The following CCDC91 variants were observed in gnomAD, a reference collection of about 807,000 sequenced individuals.
The protein encoded by CCDC91 is coiled-coil domain-containing protein 91.
In CCDC91, 48 loss-of-function variants were observed where a neutral mutation model predicts 63.2. The ratio of observed to expected loss-of-function variants is 0.76; its 90% CI spans 0.60 to 0.97. The LOEUF (loss-of-function observed/expected upper bound fraction) is 0.97. Ranked by LOEUF, CCDC91 falls within the 50% of genes least tolerant of loss-of-function variation. The pLI is 0.00. For synonymous variants in CCDC91, 167 were observed against 165.8 expected, an observed-to-expected ratio of 1.01 and a Z score of -0.06; for missense variants, 500 against 494.6, an observed-to-expected ratio of 1.01 and a Z score of -0.10.
intron 1 of CCDC91, among the ~76,000 whole-genome samples, chr12:28,191,613 C>G (rs1390569234): frequency 7.0e-6 from 1 of 142,918 alleles, no homozygotes; most frequent in Non-Finnish European, 1.6e-5. Context: ...TTTTACTTCA[C>G]AATTTAAGGC....
At chr12:28,325,008 G>C (rs1292872553) in intron 6 of CCDC91, among the ~76,000 whole-genome samples, 1 of 151,812 alleles carries the variant, frequency 6.6e-6, no homozygotes. Flanking sequence ...CTCAAGCAGA[G>C]GCAGAATGTG....
chr12:28,392,013 G>C lies in CCDC91; in HGVS notation c.762+602G>C, dbSNP rs563385794. 2.6e-5 allele frequency among the ~76,000 whole-genome samples: 4 copies of C among 152,136 alleles called. No individual in the cohort carries two copies. The South Asian group carries it at 8.3e-4, about 32-fold the overall frequency. On this transcript the variant is annotated intron_variant, in intron 8 of 12. Coordinates refer to ENST00000536442, the MANE Select transcript of CCDC91 (RefSeq NM_018318.5). ...TAAATTGACTTCATATAGAGCATCTGTGTTATATCATTGGAAGAAAATTTA... is the reference window on the plus strand; with the variant it reads ...TAAATTGACTTCATATAGAGCATCTCTGTTATATCATTGGAAGAAAATTTA...
intron 6 of CCDC91, among the ~76,000 whole-genome samples, chr12:28,333,441 C>T (rs1395467976): frequency 2.0e-5 from 3 of 150,818 alleles, no homozygotes; most frequent in African/African-American, 7.3e-5. Context: ...ATTTTTTTTC[C>T]CACTTTGTGC....
intron 7 of CCDC91, among the ~76,000 whole-genome samples, chr12:28,385,891 C>G (rs1307607198): frequency 6.6e-6 from 1 of 152,102 alleles, no homozygotes; most frequent in Non-Finnish European, 1.5e-5. Context: ...GCAATCAGTT[C>G]CACTAAAGAA....
intron 5 of CCDC91, 62 bp from the exon 6 acceptor site, chr12:28,307,583 A>G (rs983776315): frequency 1.1e-5 from 10 of 885,968 alleles, no homozygotes; most frequent in African/African-American, 3.5e-5. Context: ...GTTCATTGAA[A>G]AAACTAATTA....
intron 8 of CCDC91, among the ~76,000 whole-genome samples, chr12:28,443,157 A>G (rs903661192): frequency 7.4e-6 from 1 of 135,972 alleles, no homozygotes; most frequent in Non-Finnish European, 1.6e-5. Context: ...GTCTAGTTTA[A>G]TGAATTATCT....
At chr12:28,199,583 T>C (rs1942052089) in intron 1 of CCDC91, among the ~76,000 whole-genome samples, 5 of 152,226 alleles carry the variant, frequency 3.3e-5, no homozygotes, top group Admixed American at 1.3e-4. Flanking sequence ...TCTCTTGTCC[T>C]TTCAGTTCAG....
intron 8 of CCDC91, among the ~76,000 whole-genome samples, chr12:28,449,540 A>T (rs924080101): frequency 6.6e-6 from 1 of 152,010 alleles, no homozygotes; most frequent in African/African-American, 2.4e-5. Context: ...TAACTGGTTG[A>T]TAGTTATGTG....
chr12:28,458,159 A>G (rs10506035), intron 11 of CCDC91, among the ~76,000 whole-genome samples: 31,731 of 151,732 alleles, frequency 0.21, 4,344 homozygotes, highest in Non-Finnish European at 0.31. Context: ...CAACCCTGAA[A>G]TTTTTCTGTG....
At position 28,306,786 on chromosome 12, in the gene CCDC91, A is replaced by G. The variant is rs147550538; in HGVS notation, c.312A>G (p.Pro104=). ...THTHLDISLF[P]LGLTDEKSNG... ...CTCATCTGGATATCTCACTTTTTCC[A>G]TTGGGTTTAACTGATGAAAAAAGTA... is the stretch of plus-strand genomic sequence containing the variant. Residue 104 remains proline, a synonymous_variant, in exon 5 of 13, where the codon CCA becomes CCG. Transcript: ENST00000536442. 640 of 1,611,202 alleles carry G rather than the reference A, an allele frequency of 4.0e-4. 1 individual carries two copies. The highest frequency in any genetic ancestry group is 3.6e-3 in the Middle Eastern group (22 of 6,034).
At chr12:28,452,691 T>G (rs1281164453) in intron 11 of CCDC91, 37 bp downstream of exon 11, 1 of 1,146,310 alleles carries the variant, frequency 8.7e-7, no homozygotes, top group African/African-American at 1.6e-5. Flanking sequence ...ATTTACTTTT[T>G]TCTCATTTTT....
chr12:28,200,578 A>T (rs1265073044), intron 1 of CCDC91, among the ~76,000 whole-genome samples: 1 of 149,100 alleles, frequency 6.7e-6, no homozygotes, highest in Non-Finnish European at 1.5e-5. Context: ...ACAGCACATG[A>T]TTCAGAGAGC....
In CCDC91 at chr12:28,273,120, G is replaced by A. The variant is rs560159102; in HGVS notation, c.109+13678G>A. Among the ~76,000 whole-genome samples, 12 of 151,712 alleles carry A rather than the reference G, an allele frequency of 7.9e-5. No individual in the cohort carries two copies. In the South Asian group the frequency reaches 2.5e-3, roughly 32 times the overall value. ...TTTCTTGTCCTTCTGATAGTTTGCT[G>A]AGAATGATGGTTTCCAGCTTCATCC... is the stretch of plus-strand genomic sequence containing the variant. On this transcript the variant is annotated intron_variant, in intron 3 of 12. Transcript: ENST00000536442.
intron 12 of CCDC91, among the ~76,000 whole-genome samples, chr12:28,543,977 A>G (rs192122801): frequency 3.3e-5 from 5 of 152,036 alleles, no homozygotes; most frequent in Non-Finnish European, 5.9e-5. Context: ...GGTCAAATTT[A>G]TATCTTTTCC....
intron 8 of CCDC91, among the ~76,000 whole-genome samples, chr12:28,449,368 A>C (rs2140319339): frequency 6.6e-6 from 1 of 152,204 alleles, no homozygotes; most frequent in East Asian, 1.9e-4. Context: ...TAATAACTGA[A>C]TGAAAAATAT....
In CCDC91 at chr12:28,247,475, G is replaced by A. The variant is rs112818970; in HGVS notation, c.-14-9727G>A. Among the ~76,000 whole-genome samples the A allele has an allele frequency of 4.8e-3, 577 of 120,782 alleles. 9 individuals carry two copies. The highest frequency in any genetic ancestry group is 0.019 in the African/African-American group (551 of 29,404). The allele number at this position is 120,782 out of a possible 152,430, so 79.2% of individuals were successfully genotyped here. Reference sequence around the variant, plus strand: ...AGCCTGGGTGAGAGACCAAGACTCCGTCTCAAAAAAAAAAAAAAAAAAGAA... The same window carrying A: ...AGCCTGGGTGAGAGACCAAGACTCCATCTCAAAAAAAAAAAAAAAAAAGAA... On this transcript the variant is annotated intron_variant, in intron 1 of 12. Transcript: ENST00000536442.
intron 3 of CCDC91, among the ~76,000 whole-genome samples, chr12:28,303,131 A>G (rs1384967290): frequency 4.6e-5 from 7 of 152,138 alleles, no homozygotes; most frequent in Non-Finnish European, 1.0e-4. Context: ...GAAAGATAAG[A>G]TCAGAAGTGT....
chr12:28,448,347 A>G (rs1949638627), intron 8 of CCDC91, among the ~76,000 whole-genome samples: 1 of 152,182 alleles, frequency 6.6e-6, no homozygotes, highest in African/African-American at 2.4e-5. Flanking sequence ...GAGAAAAGCC[A>G]GTAACCCAGT....
intron 11 of CCDC91, among the ~76,000 whole-genome samples, chr12:28,477,383 G>C (rs1951162481): frequency 6.6e-6 from 1 of 152,000 alleles, no homozygotes; most frequent in Non-Finnish European, 1.5e-5. Flanking sequence ...TGATTATCTT[G>C]ATAGATGCAG....
Sources: allele counts gnomAD v4.1 joint callset (sites outside exome capture counted in the v4.1 genomes callset), GRCh38; gene constraint gnomAD v4.1.1; transcripts MANE v1.5; gene names NCBI Gene and HGNC (gene_info 2026-07-23, HGNC 2026-07-21).